The following ANKRD27 variants were observed in gnomAD, a reference collection of about 807,000 sequenced individuals.
ANKRD27 encodes ankyrin repeat domain 27.
Under a neutral mutation model 129.7 loss-of-function variants are expected in ANKRD27, and 112 were observed. The observed-to-expected ratio is 0.86, with a 90% confidence interval of 0.74 to 1.01. ANKRD27 has a LOEUF of 1.01. Among genes scored for constraint, ANKRD27 ranks in the 50% least tolerant of loss-of-function variants. ANKRD27 has a pLI of 0.00. For missense variants in ANKRD27, 1,258 were observed against 1,300.5 expected (o/e 0.97, Z 0.50); for synonymous variants, 516 against 511.2 (o/e 1.01, Z -0.13).
chr19:32,609,573 C>T (rs1183266263), intron 22 of ANKRD27, among the ~76,000 whole-genome samples: 1 of 150,988 alleles, frequency 6.6e-6, no homozygotes. Context: ...GTTAGAATTC[C>T]ACTTACAAAA....
chr19:32,654,192 G>T (rs1215052308), intron 2 of ANKRD27, among the ~76,000 whole-genome samples: 4 of 152,082 alleles, frequency 2.6e-5, no homozygotes, highest in Non-Finnish European at 5.9e-5. Context: ...GAGCCACCAT[G>T]CCTGGCCAAG....
chr19:32,674,220 T>C (rs1357820351), intron 1 of ANKRD27, among the ~76,000 whole-genome samples: 1 of 152,182 alleles, frequency 6.6e-6, no homozygotes, highest in Non-Finnish European at 1.5e-5. Context: ...CTTCGGCCAG[T>C]GGGAAGAGTG....
intron 1 of ANKRD27, among the ~76,000 whole-genome samples, chr19:32,659,877 T>G (rs1967612650): frequency 1.3e-5 from 2 of 152,074 alleles, no homozygotes; most frequent in African/African-American, 4.8e-5. Context: ...AAACCCTCAC[T>G]TCTACAAAAA....
intron 1 of ANKRD27, among the ~76,000 whole-genome samples, chr19:32,673,781 C>T (rs550543622): frequency 6.6e-6 from 1 of 152,206 alleles, no homozygotes; most frequent in Non-Finnish European, 1.5e-5. Flanking sequence ...CAGCAGGCCC[C>T]GGGGCTCAGT....
At position 32,656,096 on chromosome 19, in the gene ANKRD27, AAAGAAAG is replaced by A. The variant is rs1269932944; in HGVS notation, c.102+2811_102+2817del. Among the ~76,000 whole-genome samples, 4 of 121,684 alleles carry A rather than the reference AAAGAAAG, an allele frequency of 3.3e-5. No individual in the cohort carries two copies. The East Asian group carries it at 1.2e-3, about 36-fold the overall frequency. 79.8% of individuals were successfully genotyped at this position (121,684 alleles called of 152,430 possible). On this transcript the variant is annotated intron_variant, in intron 2 of 28. Coordinates refer to ENST00000306065, the MANE Select transcript of ANKRD27 (RefSeq NM_032139.3). ...GAAAGAAAGAAAGAAAGAAAGAAAG[AAAGAAAG>A]AAAGAAAAGAAAAGAAAAGAAAAGA... is the stretch of plus-strand genomic sequence containing the variant.
intron 14 of ANKRD27, among the ~76,000 whole-genome samples, 178 bp from the exon 15 acceptor site, chr19:32,628,343 G>GC (rs1209900960): frequency 6.6e-6 from 1 of 152,160 alleles, no homozygotes; most frequent in South Asian, 2.1e-4. Context: ...GAGGCACCTG[G>GC]CCCTGGAGTC....
chr19:32,602,923 A>T lies in ANKRD27; in HGVS notation c.2656-797T>A, dbSNP rs1039639611. Among the ~76,000 whole-genome samples the T allele has an allele frequency of 3.9e-5, 6 of 152,234 alleles. No homozygotes were observed. The East Asian group carries it at 1.2e-3, about 29-fold the overall frequency. On this transcript the variant is annotated intron_variant, in intron 25 of 28. Transcript: ENST00000306065. ...TAATAATAATAAAATTAAAAATTTT[A>T]AAAACCAAAAAAAATTCAACATAAT...
intron 20 of ANKRD27, among the ~76,000 whole-genome samples, chr19:32,618,556 C>T (rs1031517282): frequency 2.6e-5 from 4 of 152,040 alleles, no homozygotes; most frequent in African/African-American, 9.7e-5. Context: ...TTCAGGTCTC[C>T]GTTAGACTCT....
chr19:32,673,396 C>G, intron 1 of ANKRD27: 2 of 985,370 alleles, frequency 2.0e-6, no homozygotes, highest in Non-Finnish European at 2.4e-6. Flanking sequence ...GCCTGTCCAC[C>G]AGCAACACAA....
In ANKRD27 at chr19:32,640,481, G is replaced by GT. The variant is rs1285226549; in HGVS notation, c.905-97dup. ...ACCACCGCACACCTTGTGAAACCAC[G>GT]TATCAGGGAGATCATACACTGGGGG... is the stretch of plus-strand genomic sequence containing the variant. On this transcript the variant is annotated intron_variant, in intron 10 of 28. Transcript: ENST00000306065. The GT allele has an allele frequency of 3.1e-6, 3 of 972,342 alleles. No individual in the cohort carries two copies. In the South Asian group the frequency reaches 3.9e-5, roughly 13 times the overall value. The allele number at this position is 972,342 out of a possible 1,614,324, so 60.2% of individuals were successfully genotyped here. A position where few individuals can be genotyped will look rare whatever the true frequency, so the allele number is the denominator to read the frequency against.
chr19:32,644,449 G>C lies in ANKRD27; in HGVS notation c.401C>G (p.Ser134Cys). 3 of 1,613,980 alleles carry C rather than the reference G, an allele frequency of 1.9e-6. No individual in the cohort carries two copies. The highest frequency in any genetic ancestry group is 2.5e-6 in the Non-Finnish European group (3 of 1,179,930). Residue 134 changes from serine (S) to cysteine (C), a missense_variant, in exon 5 of 29, where the codon TCC (serine) becomes TGC (cysteine). Ser to Cys is a moderately radical substitution (Grantham distance 112). Coordinates refer to ENST00000306065, the MANE Select transcript of ANKRD27 (RefSeq NM_032139.3). ...TCTCACATCTTCAATGGTTTTCAGG[G>C]AAAAGGGATCTGAGGGTGCCAAAGG... ...EEPLAPSDPF[S>C]LKTIEDVREF...
At chr19:32,631,081 T>C (rs1966984103) in intron 13 of ANKRD27, among the ~76,000 whole-genome samples, 1 of 152,060 alleles carries the variant, frequency 6.6e-6, no homozygotes, top group African/African-American at 2.4e-5. Context: ...TGCAATGGCA[T>C]GATCTCGGCT....
intron 13 of ANKRD27, among the ~76,000 whole-genome samples, chr19:32,629,166 C>T (rs557907576): frequency 6.6e-6 from 1 of 152,288 alleles, no homozygotes; most frequent in African/African-American, 2.4e-5. Context: ...AGTGATCCAC[C>T]CATCTCGGCC....
chr19:32,655,259 C>T (rs555033562), intron 2 of ANKRD27: 6 of 152,678 alleles, frequency 3.9e-5, no homozygotes, highest in African/African-American at 1.4e-4. Flanking sequence ...ATCCTCCTGC[C>T]TCAGCCTCCT....
chr19:32,608,843 A>G (rs747068547), intron 22 of ANKRD27, among the ~76,000 whole-genome samples: 26 of 152,048 alleles, frequency 1.7e-4, no homozygotes, highest in Non-Finnish European at 3.2e-4. Context: ...TCCCAGCTAC[A>G]TTACAGGCAT....
At position 32,598,270 on chromosome 19, in the gene ANKRD27, G is replaced by GTGTCAGTCCAGGCCTCTCTGGCCAGTCGC; in HGVS notation, c.2999_3027dup (p.Gln1010AlafsTer9). 1.2e-6 allele frequency: 2 copies of GTGTCAGTCCAGGCCTCTCTGGCCAGTCGC among 1,614,182 alleles called. No homozygotes were observed. The highest frequency in any genetic ancestry group is 1.7e-6 in the Non-Finnish European group (2 of 1,180,032). On this transcript the variant is annotated stop_gained and frameshift_variant, in exon 29 of 29. Coordinates refer to ENST00000306065, the MANE Select transcript of ANKRD27 (RefSeq NM_032139.3). LOFTEE classifies it low-confidence loss of function (END_TRUNC). ...ATCCGTCTGTGTCCAGGGCCAGTCT[G>GTGTCAGTCCAGGCCTCTCTGGCCAGTCGC]TGTCAGTCCAGGCCTCTCTGGCCAG...
chr19:32,655,914 A>G (rs1297944989), intron 2 of ANKRD27, among the ~76,000 whole-genome samples: 1 of 151,918 alleles, frequency 6.6e-6, no homozygotes, highest in Non-Finnish European at 1.5e-5. Flanking sequence ...GCTACTTGGT[A>G]GGCCGAAGCA....
chr19:32,612,422 G>A (rs10410888), intron 22 of ANKRD27, among the ~76,000 whole-genome samples: 88,888 of 152,094 alleles, frequency 0.58, 27,086 homozygotes, highest in Non-Finnish European at 0.69. Context: ...CTATAAGAGT[G>A]AGTAAGTTAG....
chr19:32,665,636 T>C (rs1038341872), intron 1 of ANKRD27, among the ~76,000 whole-genome samples: 2 of 152,126 alleles, frequency 1.3e-5, no homozygotes, highest in Non-Finnish European at 2.9e-5. Context: ...ATTTTTTGTA[T>C]TTTTAGTAGA....
Sources: allele counts gnomAD v4.1 joint callset (sites outside exome capture counted in the v4.1 genomes callset), GRCh38; gene constraint gnomAD v4.1.1; transcripts MANE v1.5; gene names NCBI Gene and HGNC (gene_info 2026-07-23, HGNC 2026-07-21).